Variants in MCC observed in about 807,000 individuals in gnomAD.
MCC encodes the protein MCC regulator of Wnt signaling pathway, also known as colorectal mutant cancer protein.
A neutral mutation model predicts 116.2 loss-of-function variants in MCC; 90 were observed. That is an observed-to-expected ratio of 0.77 (90% CI 0.65 to 0.92). MCC has a LOEUF of 0.92. MCC is among the 40% of genes least tolerant of loss of function. The probability of loss-of-function intolerance (pLI) is 0.00; values close to 1 mark genes in which losing one functional copy is unlikely to be tolerated. For synonymous variants in MCC, 578 were observed against 510.5 expected (o/e 1.13, Z -1.78); for missense variants, 1,516 against 1,312.2 (o/e 1.16, Z -2.40).
intron 12 of MCC, 49 bp from the exon 13 acceptor site, chr5:113,068,232 C>T (rs1049108182): frequency 1.4e-6 from 2 of 1,438,006 alleles, no homozygotes; most frequent in African/African-American, 1.4e-5. Context: ...ACAGCGGACA[C>T]CTTCAATGTG....
chr5:113,038,656 C>T (rs1477963365), intron 17 of MCC, among the ~76,000 whole-genome samples: 4 of 151,986 alleles, frequency 2.6e-5, no homozygotes, highest in Admixed American at 6.6e-5. Context: ...GCCCCAGAGG[C>T]GCAGAAGAGG....
At chr5:113,384,831 G>T in intron 2 of MCC, 137 bp downstream of exon 2, 1 of 918,756 alleles carries the variant, frequency 1.1e-6, no homozygotes, top group Non-Finnish European at 1.7e-6. Flanking sequence ...CACTCCCCCA[G>T]GGAAAGTGTG....
intron 8 of MCC, among the ~76,000 whole-genome samples, chr5:113,094,580 C>T (rs887547135): frequency 2.0e-5 from 3 of 152,034 alleles, no homozygotes; most frequent in Admixed American, 6.6e-5. Context: ...ACCACCACGC[C>T]TGGCTAATTT....
chr5:113,119,573 C>T (rs1032051213), intron 6 of MCC, among the ~76,000 whole-genome samples: 8 of 152,170 alleles, frequency 5.3e-5, no homozygotes, highest in Admixed American at 2.0e-4. Flanking sequence ...CTGTTGGCTG[C>T]GTGCTGAGGA....
At chr5:113,438,770 T>C (rs919901154) in intron 1 of MCC, among the ~76,000 whole-genome samples, 1 of 152,200 alleles carries the variant, frequency 6.6e-6, no homozygotes, top group East Asian at 1.9e-4. Flanking sequence ...CACTACGACA[T>C]GGCATCACCT....
intron 3 of MCC, among the ~76,000 whole-genome samples, chr5:113,224,861 A>T (rs113582793): frequency 0.018 from 2,680 of 152,316 alleles, 39 homozygotes; most frequent in Non-Finnish European, 0.028. Context: ...TTAGGAAAAG[A>T]TTTGCCACAT....
At chr5:113,095,912 A>C (rs914140393) in intron 8 of MCC, among the ~76,000 whole-genome samples, 2 of 152,192 alleles carry the variant, frequency 1.3e-5, no homozygotes, top group African/African-American at 2.4e-5. Context: ...CTGAGCTTGC[A>C]CTGGTAAGTG....
At chr5:113,162,703 TG>T (rs1346780035) in intron 3 of MCC, among the ~76,000 whole-genome samples, 1 of 152,092 alleles carries the variant, frequency 6.6e-6, no homozygotes, top group Non-Finnish European at 1.5e-5. Flanking sequence ...ATCACCATGT[TG>T]CCCAGGCTGG....
rs536278901 is a variant in MCC, at chr5:113,285,989, C to G, written c.627+54530G>C. Among the ~76,000 whole-genome samples, 12 of 152,352 alleles carry G rather than the reference C, an allele frequency of 7.9e-5. 2 individuals are homozygous for G. Among genetic ancestry groups the G allele is most frequent in the African/African-American group, 2.6e-4 (11 of 41,580 alleles). ...TAGAAAAGGAGTTAATCCAACACAT[C>G]TGTCACAGTAAAATGGCAACTGGGA... On this transcript the variant is annotated intron_variant, in intron 3 of 18. Transcript: ENST00000408903.
chr5:113,310,473 A>T (rs934299174), intron 3 of MCC, among the ~76,000 whole-genome samples: 13 of 152,246 alleles, frequency 8.5e-5, no homozygotes, highest in Non-Finnish European at 1.8e-4. Context: ...GTATCCTGTT[A>T]CAGCAGCACA....
chr5:113,258,287 T>C (rs564870879), intron 3 of MCC, among the ~76,000 whole-genome samples: 7 of 152,354 alleles, frequency 4.6e-5, no homozygotes, highest in African/African-American at 1.7e-4. Context: ...TTTCTGTGGG[T>C]GGCACTCAAC....
intron 1 of MCC, among the ~76,000 whole-genome samples, chr5:113,456,598 A>G (rs1381360944): frequency 1.4e-5 from 2 of 140,612 alleles, no homozygotes; most frequent in Admixed American, 1.4e-4. Flanking sequence ...CTGGGACTAC[A>G]GTCACCCGCC....
At chr5:113,355,929 T>TGGCATCC (rs1374051638) in intron 2 of MCC, among the ~76,000 whole-genome samples, 1 of 152,166 alleles carries the variant, frequency 6.6e-6, no homozygotes, top group Non-Finnish European at 1.5e-5. Flanking sequence ...GCATGGCATC[T>TGGCATCC]GGCATCCCTG....
chr5:113,416,594 G>A (rs1045311206), intron 1 of MCC, among the ~76,000 whole-genome samples: 5 of 152,104 alleles, frequency 3.3e-5, no homozygotes, highest in Non-Finnish European at 7.4e-5. Context: ...GCATGTATAT[G>A]TATACACATA....
Position 113,488,351 on chromosome 5 carries a change from T to TGCCGCTGCCGCCGCCGCCGCCGCCGCC in MCC, c.63_64insGGCGGCGGCGGCGGCGGCGGCAGCGGC (p.Gly21_Ser22insGlyGlyGlyGlyGlyGlyGlySerGly), listed in dbSNP as rs531679771. ...TCGCTGCTGCTGCTGCTGCTGCCGC[T>TGCCGCTGCCGCCGCCGCCGCCGCCGCC]GCCGCCGCCGCCGCCGCCGCTGCTG... On this transcript the variant is annotated inframe_insertion, in exon 1 of 19. Transcript: ENST00000408903. 7.0e-7 allele frequency: 1 copy of TGCCGCTGCCGCCGCCGCCGCCGCCGCC among 1,426,262 alleles called. No homozygotes were observed. The highest frequency in any genetic ancestry group is 1.5e-5 in the African/African-American group (1 of 67,412). 88.4% of individuals were successfully genotyped at this position (1,426,262 alleles called of 1,614,324 possible).
At chr5:113,072,074 T>C (rs971014218) in intron 11 of MCC, among the ~76,000 whole-genome samples, 1 of 152,224 alleles carries the variant, frequency 6.6e-6, no homozygotes, top group Non-Finnish European at 1.5e-5. Context: ...GTTTTCCATC[T>C]CAGGGTACAG....
chr5:113,053,522 TA>T (rs200513962), intron 15 of MCC, among the ~76,000 whole-genome samples: 1 of 6,854 alleles, frequency 1.5e-4, no homozygotes, highest in African/African-American at 3.8e-4. Flanking sequence ...AGAAATCCCT[TA>T]GAAATTCAAC....
chr5:113,446,844 A>T (rs528557552), intron 1 of MCC, among the ~76,000 whole-genome samples: 7 of 152,334 alleles, frequency 4.6e-5, no homozygotes, highest in African/African-American at 1.7e-4. Flanking sequence ...ACTGTTGAGT[A>T]CTATGTTCAC....
chr5:113,110,798 C>CT (rs886352863), intron 6 of MCC, among the ~76,000 whole-genome samples: 15 of 152,122 alleles, frequency 9.9e-5, no homozygotes, highest in Admixed American at 4.6e-4. Flanking sequence ...CTGGCATGGC[C>CT]TTTTTTTTAT....
Sources: gnomAD v4.1 joint callset for allele counts (sites outside exome capture counted in the v4.1 genomes callset) on GRCh38, gnomAD v4.1.1 for gene constraint, MANE v1.5 for transcripts, NCBI Gene and HGNC (gene_info 2026-07-23, HGNC 2026-07-21) for gene names.